Variants in CREBRF observed in about 807,000 individuals in gnomAD.
CREBRF encodes the protein UPF0474 protein C5orf41.
Under a neutral mutation model 66.1 loss-of-function variants are expected in CREBRF, and 5 were observed. The ratio of observed to expected loss-of-function variants is 0.08; its 90% CI spans 0.04 to 0.16. The LOEUF (loss-of-function observed/expected upper bound fraction) is 0.16. Ranked by LOEUF, CREBRF falls within the 10% of genes least tolerant of loss-of-function variation. The pLI is 1.00. For synonymous variants in CREBRF, 229 were observed against 264.4 expected (o/e 0.87, Z 1.30); for missense variants, 531 against 744.9 (o/e 0.71, Z 3.34).
chr5:173,063,181 C>T (rs914171459), intron 1 of CREBRF, among the ~76,000 whole-genome samples: 1 of 152,172 alleles, frequency 6.6e-6, no homozygotes, highest in African/African-American at 2.4e-5. Context: ...TATGACCTTT[C>T]CTCCAAAATC....
chr5:173,103,226 A>T (rs1192794684), intron 4 of CREBRF, among the ~76,000 whole-genome samples: 1 of 152,202 alleles, frequency 6.6e-6, no homozygotes, highest in African/African-American at 2.4e-5. Flanking sequence ...TGTGGATGGC[A>T]TTTAATTCAT....
chr5:173,090,548 T>C lies in CREBRF; in HGVS notation c.369T>C (p.Phe123=). 1 of 1,614,134 alleles carries C rather than the reference T, an allele frequency of 6.2e-7. No individual in the cohort carries two copies. The highest frequency in any genetic ancestry group is 1.1e-5 in the South Asian group (1 of 91,064). Residue 123 remains phenylalanine (F), a synonymous_variant, in exon 4 of 9, where the codon TTT becomes TTC. Coordinates refer to ENST00000296953, the MANE Select transcript of CREBRF (RefSeq NM_153607.3). This position sits in a 1 kb window ranked among gnomAD's most constrained non-coding sequence, Gnocchi z 4.5. ...TGGATTACTTGGGTCTTGATGACTT[T>C]TCTAGTCCTTACCAAGATGAAGAGG... ...KEVDYLGLDD[F]SSPYQDEEVI...
At chr5:173,101,592 G>A (rs1043981461) in intron 4 of CREBRF, among the ~76,000 whole-genome samples, 3 of 150,212 alleles carry the variant, frequency 2.0e-5, no homozygotes, top group Admixed American at 6.6e-5. Context: ...CCACTCTGTC[G>A]CCCAGGCTGG....
At chr5:173,058,086 A>G (rs1313980676) in intron 1 of CREBRF, among the ~76,000 whole-genome samples, 1 of 150,992 alleles carries the variant, frequency 6.6e-6, no homozygotes, top group Non-Finnish European at 1.5e-5. Flanking sequence ...AAATCTTGTG[A>G]TCTGTCGTAA....
chr5:173,102,701 G>A (rs1010171184), intron 4 of CREBRF, among the ~76,000 whole-genome samples: 4 of 152,110 alleles, frequency 2.6e-5, no homozygotes, highest in Admixed American at 1.3e-4. Flanking sequence ...AGGCACCAGC[G>A]TGGCATGGGG....
intron 8 of CREBRF, among the ~76,000 whole-genome samples, chr5:173,125,619 CT>C (rs1759251126): frequency 6.6e-6 from 1 of 152,150 alleles, no homozygotes; most frequent in African/African-American, 2.4e-5. Context: ...AATCCCAGCA[CT>C]TTGGGAGGCC....
At position 173,091,337 on chromosome 5, in the gene CREBRF, A is replaced by G. The variant is rs1368523291; in HGVS notation, c.1158A>G (p.Glu386=). 1.9e-6 allele frequency: 3 copies of G among 1,613,356 alleles called. No homozygotes were observed. Among genetic ancestry groups the G allele is most frequent in the East Asian group, 2.2e-5 (1 of 44,866 alleles). ...AACTGTCTGAAAATGAGGAGGAGGA[A>G]GAAGAGGAAGAGGATTATGAAGATG... ...EHELSENEEE[E]EEEEDYEDDK... is the part of the protein sequence containing the mutation. The change falls in exon 4 of 9, where the codon GAA becomes GAG. Residue 386 remains glutamate (E), a synonymous_variant. Transcript: ENST00000296953.
intron 3 of CREBRF, among the ~76,000 whole-genome samples, chr5:173,089,757 T>C (rs1469641547): frequency 6.6e-6 from 1 of 152,192 alleles, no homozygotes; most frequent in African/African-American, 2.4e-5. Context: ...TTGCAAAAGA[T>C]CTTACCATTC....
intron 1 of CREBRF, among the ~76,000 whole-genome samples, chr5:173,057,185 C>T (rs1287069197): frequency 1.3e-5 from 2 of 151,830 alleles, no homozygotes; most frequent in African/African-American, 2.4e-5. Flanking sequence ...CTCTGGCGTC[C>T]AATGGAGCGG....
At chr5:173,105,895 G>A (rs2113765446) in intron 4 of CREBRF, among the ~76,000 whole-genome samples, 1 of 152,046 alleles carries the variant, frequency 6.6e-6, no homozygotes, top group South Asian at 2.1e-4. Flanking sequence ...TGGGATTACA[G>A]GCATGAGCCA....
intron 8 of CREBRF, among the ~76,000 whole-genome samples, chr5:173,132,845 G>T (rs556596931): frequency 1.3e-5 from 2 of 150,520 alleles, no homozygotes; most frequent in Non-Finnish European, 3.0e-5. Context: ...GTGATCTGCC[G>T]ACCTCAGGTG....
At chr5:173,086,703 G>A (rs1171307893) in intron 3 of CREBRF, 77 bp downstream of exon 3, 4 of 1,341,502 alleles carry the variant, frequency 3.0e-6, no homozygotes, top group Non-Finnish European at 4.0e-6. Flanking sequence ...GTTTATAAAT[G>A]CCTGAAAAAA....
chr5:173,064,898 A>T (rs994597071), intron 1 of CREBRF, among the ~76,000 whole-genome samples: 1 of 150,650 alleles, frequency 6.6e-6, no homozygotes, highest in Non-Finnish European at 1.5e-5. Context: ...TTGTAGAGAG[A>T]GAGTTTTACT....
intron 1 of CREBRF, among the ~76,000 whole-genome samples, chr5:173,065,758 T>C (rs1019017583): frequency 1.3e-5 from 2 of 149,714 alleles, no homozygotes; most frequent in Admixed American, 1.3e-4. Context: ...TCCTCCCACC[T>C]CAGCCTCACG....
Position 173,103,396 on chromosome 5 carries a change from C to G in CREBRF, c.1223-5228C>G, listed in dbSNP as rs543643302. Among the ~76,000 whole-genome samples the G allele has an allele frequency of 2.0e-5, 3 of 152,200 alleles. No individual in the cohort carries two copies. In the East Asian group the frequency reaches 5.8e-4, roughly 29 times the overall value. ...TTGCTAGTAAAATTTTCTCCTTTTC[C>G]TAGAAGAGCTAAACAAGTGACTTTA... On this transcript the variant is annotated intron_variant, in intron 4 of 8. Coordinates refer to ENST00000296953, the MANE Select transcript of CREBRF (RefSeq NM_153607.3).
chr5:173,076,935 T>G (rs908593627), intron 1 of CREBRF, among the ~76,000 whole-genome samples: 2 of 150,482 alleles, frequency 1.3e-5, no homozygotes, highest in African/African-American at 4.9e-5. Flanking sequence ...CATAGCAGTA[T>G]AAATTTATTG....
chr5:173,097,646 T>C (rs1343124206), intron 4 of CREBRF, among the ~76,000 whole-genome samples: 3 of 152,200 alleles, frequency 2.0e-5, no homozygotes, highest in East Asian at 1.9e-4. Context: ...TAGGAAGTTA[T>C]CCATTTCTTC....
intron 4 of CREBRF, chr5:173,091,810 C>T (rs560631457): frequency 9.1e-6 from 9 of 987,640 alleles, no homozygotes; most frequent in African/African-American, 1.7e-5. Context: ...TAGGGCCAGG[C>T]GCAGTGGCTC....
intron 8 of CREBRF, among the ~76,000 whole-genome samples, chr5:173,130,640 C>T (rs1759401689): frequency 6.6e-6 from 1 of 151,912 alleles, no homozygotes; most frequent in Admixed American, 6.6e-5. Context: ...TCTTTCAGCA[C>T]CAACTCCCAA....
Sources: gnomAD v4.1 joint callset for allele counts (sites outside exome capture counted in the v4.1 genomes callset) on GRCh38, gnomAD v4.1.1 for gene constraint, Gnocchi (gnomAD v3.1) non-coding constraint, MANE v1.5 for transcripts, NCBI Gene and HGNC (gene_info 2026-07-23, HGNC 2026-07-21) for gene names.